The following PGD variants were observed in gnomAD, a reference collection of about 807,000 sequenced individuals.
PGD encodes the protein phosphogluconate dehydrogenase, also known as 6-phosphogluconate dehydrogenase, decarboxylating.
Under a neutral mutation model 60.4 loss-of-function variants are expected in PGD, and 21 were observed. The ratio of observed to expected loss-of-function variants is 0.35; its 90% confidence interval spans 0.25 to 0.50. The LOEUF (loss-of-function observed/expected upper bound fraction) is 0.50, where lower values mean the gene tolerates loss of function less well. Ranked by LOEUF, PGD falls within the 20% of genes least tolerant of loss-of-function variation. The pLI, the probability that PGD is intolerant of heterozygous loss-of-function variation, is 0.98. For synonymous variants in PGD, 230 were observed against 235.9 expected, an observed-to-expected ratio of 0.97 and a Z score of 0.23; for missense variants, 477 against 613.1, an observed-to-expected ratio of 0.78 and a Z score of 2.34.
rs929587787 is a variant in PGD, at chr1:10,419,921, C to T, written c.*172C>T. On this transcript the variant is annotated 3_prime_UTR_variant, in exon 13 of 13. Coordinates refer to ENST00000270776, the MANE Select transcript of PGD (RefSeq NM_002631.4). The stretch of plus-strand genomic sequence containing the variant: ...TTGTAAAGTAGCTCTGTGAGAGCCA[C>T]CATGCCCTCTGCCCTTGCCTCTTGG... 7.9e-5 allele frequency: 58 copies of T among 733,100 alleles called. No homozygotes were observed. In the South Asian group the frequency reaches 1.0e-3, roughly 13 times the overall value. 45.4% of individuals were successfully genotyped at this position (733,100 alleles called of 1,614,324 possible).
intron 11 of PGD, 73 bp downstream of exon 11, chr1:10,418,998 G>GT (rs560774763): frequency 0.16 from 98,117 of 606,626 alleles, 17 homozygotes; most frequent in South Asian, 0.25. Context: ...TTGGTTTTTT[G>GT]TTTTTTTTTT....
At chr1:10,408,013 G>T (rs1045339276) in intron 5 of PGD, 58 bp from the exon 6 acceptor site, 6 of 981,824 alleles carry the variant, frequency 6.1e-6, no homozygotes, top group Middle Eastern at 2.1e-4. Context: ...GTGTCTATGG[G>T]TATGGGCTCT....
rs572415334 is a variant in PGD at position 10,402,623 on chromosome 1, C to T, written c.265-448C>T. ...CTGCAAGCTCCACCTCCCGGGTTCA[C>T]GCCATTCTCCTGCCTCAGCCTCCCG... On this transcript the variant is annotated intron_variant, in intron 3 of 12. Transcript: ENST00000270776. 1.3e-4 allele frequency among the ~76,000 whole-genome samples: 19 copies of T among 151,542 alleles called. No individual in the cohort carries two copies. The East Asian group carries it at 3.3e-3, about 27-fold the overall frequency.
intron 8 of PGD, chr1:10,415,334 T>G (rs1267242902): frequency 2.0e-5 from 3 of 152,100 alleles, no homozygotes; most frequent in African/African-American, 7.3e-5. Context: ...ATAACATAGG[T>G]GAGGAGGGAG....
At chr1:10,401,936 AC>A (rs1639322233) in intron 3 of PGD, among the ~76,000 whole-genome samples, 1 of 152,036 alleles carries the variant, frequency 6.6e-6, no homozygotes, top group Admixed American at 6.6e-5. Flanking sequence ...AGTGGCGTGA[AC>A]CCGGGAGGCA....
At chr1:10,399,219 AC>A in intron 1 of PGD, 94 bp downstream of exon 1, 1 of 1,429,336 alleles carries the variant, frequency 7.0e-7, no homozygotes, top group Non-Finnish European at 9.6e-7. Context: ...GACGCCTCCC[AC>A]CCTGGGGGTC....
chr1:10,413,026 C>T (rs769181466), intron 7 of PGD, 36 bp from the exon 8 acceptor site: 4 of 1,579,050 alleles, frequency 2.5e-6, no homozygotes, highest in Non-Finnish European at 3.5e-6. Context: ...AGCCCTCATT[C>T]CTCTAACATG....
chr1:10,415,932 A>C (rs942878264), intron 8 of PGD, among the ~76,000 whole-genome samples: 3 of 152,206 alleles, frequency 2.0e-5, no homozygotes, highest in Non-Finnish European at 4.4e-5. Context: ...CTATACTGAA[A>C]ACCGTAAAAT....
rs140585116 is a variant in PGD, at chr1:10,408,234, G to T, written c.519+94G>T. 7.8e-6 allele frequency: 6 copies of T among 769,564 alleles called. No individual in the cohort carries two copies. The East Asian group carries it at 9.8e-5, about 13-fold the overall frequency. The allele number at this position is 769,564 out of a possible 1,614,324, so 47.7% of individuals were successfully genotyped here. Reference sequence around the variant, plus strand: ...GAAAGGCCACCGTGGTCTCCCAGGGGTTAGCTTGGTGACATAAACGTCTCG... The same window carrying T: ...GAAAGGCCACCGTGGTCTCCCAGGGTTTAGCTTGGTGACATAAACGTCTCG... On this transcript the variant is annotated intron_variant, in intron 6 of 12. Coordinates refer to ENST00000270776, the MANE Select transcript of PGD (RefSeq NM_002631.4).
intron 10 of PGD, 58 bp from the exon 11 acceptor site, chr1:10,418,768 C>T (rs1388832571): frequency 2.0e-5 from 20 of 978,488 alleles, no homozygotes; most frequent in South Asian, 8.3e-5. Context: ...AGCGGGACTC[C>T]GTCTCAAAAA....
chr1:10,399,065 C>T lies in PGD; in HGVS notation c.-53C>T, dbSNP rs535757923. 80 of 1,607,832 alleles carry T rather than the reference C, an allele frequency of 5.0e-5. No homozygotes were observed. The highest frequency in any genetic ancestry group is 5.3e-5 in the African/African-American group (4 of 74,856). On this transcript the variant is annotated 5_prime_UTR_variant, in exon 1 of 13. Transcript: ENST00000270776. Reference sequence around the variant, plus strand: ...TGGAGGGAGCCGCTGCGGGTCTTTCCCTCACTCGTCCTCCGCGCGTCGCCG... The same window carrying T: ...TGGAGGGAGCCGCTGCGGGTCTTTCTCTCACTCGTCCTCCGCGCGTCGCCG...
Position 10,403,539 on chromosome 1 carries a change from C to G in PGD, c.330+403C>G, listed in dbSNP as rs187092885. Among the ~76,000 whole-genome samples the G allele has an allele frequency of 4.6e-3, 641 of 140,306 alleles. 3 individuals carry two copies. The highest frequency in any genetic ancestry group is 0.016 in the African/African-American group (587 of 36,524). 92.0% of individuals were successfully genotyped at this position (140,306 alleles called of 152,430 possible). On this transcript the variant is annotated intron_variant, in intron 4 of 12. Coordinates refer to ENST00000270776, the MANE Select transcript of PGD (RefSeq NM_002631.4). ...CTGGGAGGCAGAAGTTGCAGTGAGC[C>G]GAGATCATGCCACTGCACTCCAGCC...
chr1:10,416,997 CTT>C lies in PGD; in HGVS notation c.857_858del (p.Phe286CysfsTer10). The C allele has an allele frequency of 6.2e-7, 1 of 1,613,582 alleles. No homozygotes were observed. The highest frequency in any genetic ancestry group is 8.5e-7 in the Non-Finnish European group (1 of 1,179,590). On this transcript the variant is annotated frameshift_variant, in exon 9 of 13. Coordinates refer to ENST00000270776, the MANE Select transcript of PGD (RefSeq NM_002631.4). LOFTEE classifies it high-confidence loss of function. ...VPVTLIGEAV[F>X]ARCLSSLKDE... ...GATCTCCCCATGTAGGAGAAGCTGT[CTT>C]TGCTCGGTGCTTATCATCTCTGAAG... is the stretch of plus-strand genomic sequence containing the variant.
chr1:10,402,530 T>G (rs982111525), intron 3 of PGD, among the ~76,000 whole-genome samples: 1 of 149,624 alleles, frequency 6.7e-6, no homozygotes, highest in African/African-American at 2.4e-5. Context: ...CAAAAAAAAT[T>G]TTTTTTTTTT....
intron 3 of PGD, among the ~76,000 whole-genome samples, chr1:10,401,024 G>C (rs2102384645): frequency 6.6e-6 from 1 of 152,290 alleles, no homozygotes; most frequent in East Asian, 1.9e-4. Context: ...GGCCAACATG[G>C]TGAAACCCCG....
intron 8 of PGD, chr1:10,415,439 A>G (rs2124210887): frequency 6.6e-6 from 1 of 152,250 alleles, no homozygotes; most frequent in East Asian, 1.9e-4. Context: ...GTGGATCCAT[A>G]TACCTCTTCC....
At chr1:10,409,694 C>T (rs959661033) in intron 6 of PGD, among the ~76,000 whole-genome samples, 1 of 94,804 alleles carries the variant, frequency 1.1e-5, no homozygotes, top group Non-Finnish European at 1.9e-5. Context: ...CTTGCTTTAT[C>T]GTCCAGGCTG....
chr1:10,405,980 A>G (rs1224638036), intron 5 of PGD, among the ~76,000 whole-genome samples: 1 of 152,018 alleles, frequency 6.6e-6, no homozygotes, highest in Admixed American at 6.5e-5. Context: ...CAGCCTCCCA[A>G]GTGGCTGGAA....
intron 3 of PGD, among the ~76,000 whole-genome samples, chr1:10,401,061 TG>T (rs1319409069): frequency 2.6e-5 from 4 of 152,004 alleles, no homozygotes; most frequent in Non-Finnish European, 5.9e-5. Flanking sequence ...AAAAATTAGC[TG>T]GGCTTTGTGG....
Sources: allele counts gnomAD v4.1 joint callset (sites outside exome capture counted in the v4.1 genomes callset), GRCh38; gene constraint gnomAD v4.1.1; transcripts MANE v1.5; gene names NCBI Gene and HGNC (gene_info 2026-07-23, HGNC 2026-07-21).